DGKH: variants seen among roughly 807,000 people sequenced by gnomAD.
DGKH encodes diacylglycerol kinase eta.
In DGKH, 90 loss-of-function variants were observed where a neutral mutation model predicts 159.3. The ratio of observed to expected loss-of-function variants is 0.57; its 90% CI spans 0.48 to 0.67. The LOEUF (loss-of-function observed/expected upper bound fraction) is 0.67. Ranked by LOEUF, DGKH falls within the 30% of genes least tolerant of loss-of-function variation. DGKH has a pLI of 0.00. For missense variants in DGKH, 1,181 were observed against 1,506.1 expected (o/e 0.78, Z 3.57); for synonymous variants, 536 against 553.8 (o/e 0.97, Z 0.45).
chr13:42,068,319 G>A (rs1234745373), intron 1 of DGKH, among the ~76,000 whole-genome samples: 2 of 152,104 alleles, frequency 1.3e-5, no homozygotes, highest in African/African-American at 4.8e-5. Context: ...ATGAATACCA[G>A]AACATTTATA....
chr13:42,170,532 C>T (rs1403811203), intron 11 of DGKH, among the ~76,000 whole-genome samples: 2 of 152,096 alleles, frequency 1.3e-5, no homozygotes, highest in Non-Finnish European at 2.9e-5. Flanking sequence ...AAAATCAAAA[C>T]AAAACAAAAG....
chr13:42,123,114 A>C (rs1388415159), intron 1 of DGKH, among the ~76,000 whole-genome samples: 1 of 152,206 alleles, frequency 6.6e-6, no homozygotes, highest in Admixed American at 6.5e-5. Context: ...TCTTAGTTAC[A>C]TATTAGCTAC....
rs77246060 is a variant in DGKH, at chr13:42,131,098, T to C, written c.384+1466T>C. On this transcript the variant is annotated intron_variant, in intron 3 of 29. Coordinates refer to ENST00000337343, the MANE Select transcript of DGKH (RefSeq NM_178009.5). ...GTCCCATTGATGTGAGTAGTTTCAG[T>C]GTGGGGCAGGCTGGGGGCAGGCATT... 6.6e-3 allele frequency among the ~76,000 whole-genome samples: 1,007 copies of C among 152,062 alleles called. 11 individuals carry two copies. The highest frequency in any genetic ancestry group is 0.023 in the African/African-American group (962 of 41,462).
In DGKH at chr13:42,159,246, T is replaced by C. The variant is rs773661032; in HGVS notation, c.623-20T>C. On this transcript the variant is annotated intron_variant, in intron 5 of 29. Transcript: ENST00000337343. ...TTGTCCACTTAAAAGCAGTTGCTCT[T>C]TTTTTTTTTTTTTTTTTAGTGTGTA... The C allele has an allele frequency of 3.0e-6, 2 of 669,444 alleles. No homozygotes were observed. The highest frequency in any genetic ancestry group is 3.7e-5 in the Admixed American group (1 of 27,322). 41.5% of individuals were successfully genotyped at this position (669,444 alleles called of 1,614,324 possible).
chr13:42,245,057 G>A (rs1958570430), downstream of DGKH, among the ~76,000 whole-genome samples: 1 of 152,144 alleles, frequency 6.6e-6, no homozygotes, highest in Admixed American at 6.5e-5. Flanking sequence ...GGCAGGGATT[G>A]GGGGTAGAGG....
At chr13:42,100,482 C>T (rs912140159) in intron 1 of DGKH, among the ~76,000 whole-genome samples, 36 of 152,028 alleles carry the variant, frequency 2.4e-4, no homozygotes, top group African/African-American at 8.5e-4. Flanking sequence ...AACTGTCTTT[C>T]ACGAAACCGG....
intron 3 of DGKH, among the ~76,000 whole-genome samples, chr13:42,154,719 T>G (rs1955996468): frequency 6.6e-6 from 1 of 152,222 alleles, no homozygotes; most frequent in South Asian, 2.1e-4. Flanking sequence ...TATTTAAATA[T>G]TAACAGAATA....
chr13:42,225,186 A>AAG, intron 29 of DGKH: 5 of 1,196,158 alleles, frequency 4.2e-6, no homozygotes, highest in Non-Finnish European at 5.8e-6. Flanking sequence ...GCCTCCTACA[A>AAG]TGCTGGGATT....
intron 1 of DGKH, among the ~76,000 whole-genome samples, chr13:42,083,952 G>A (rs566943018): frequency 2.0e-5 from 3 of 152,116 alleles, no homozygotes; most frequent in Non-Finnish European, 2.9e-5. Flanking sequence ...ATTCCTGCCC[G>A]TCTCTACCTG....
intron 30 of DGKH, among the ~76,000 whole-genome samples, chr13:42,254,019 T>C (rs1226581893): frequency 6.6e-6 from 1 of 151,640 alleles, no homozygotes; most frequent in Non-Finnish European, 1.5e-5. Context: ...AGTATATTAA[T>C]TGCTTAAAGC....
upstream of DGKH, among the ~76,000 whole-genome samples, chr13:42,044,516 C>G (rs1880697105): frequency 6.6e-6 from 1 of 152,138 alleles, no homozygotes; most frequent in Non-Finnish European, 1.5e-5. Context: ...GTCTCGATCT[C>G]CTGACCTCGT....
At chr13:42,088,607 TA>T (rs1428983328) in intron 1 of DGKH, among the ~76,000 whole-genome samples, 1 of 151,510 alleles carries the variant, frequency 6.6e-6, no homozygotes, top group Non-Finnish European at 1.5e-5. Flanking sequence ...GAAACCACTT[TA>T]AAAAATAGAA....
At chr13:42,147,846 G>A (rs940823924) in intron 3 of DGKH, among the ~76,000 whole-genome samples, 3 of 151,966 alleles carry the variant, frequency 2.0e-5, no homozygotes, top group South Asian at 4.2e-4. Context: ...TTTTGTTCTC[G>A]GAAGGTGCCT....
chr13:42,225,939 A>G (rs1958119423), intron 29 of DGKH, among the ~76,000 whole-genome samples: 1 of 152,224 alleles, frequency 6.6e-6, no homozygotes, highest in African/African-American at 2.4e-5. Flanking sequence ...AAAAGCCAAA[A>G]TTGACAAATG....
chr13:42,255,496 T>G (rs1165791692), intron 30 of DGKH, among the ~76,000 whole-genome samples: 5 of 152,172 alleles, frequency 3.3e-5, no homozygotes, highest in Non-Finnish European at 7.3e-5. Flanking sequence ...ATAACAAGGT[T>G]TTTGGCTTGT....
intron 1 of DGKH, among the ~76,000 whole-genome samples, chr13:42,067,622 A>G (rs1435746243): frequency 6.6e-6 from 1 of 152,156 alleles, no homozygotes; most frequent in Non-Finnish European, 1.5e-5. Flanking sequence ...CTTAATCTTT[A>G]GTTTTAATTA....
At chr13:42,225,027 C>A (rs1310424548) in intron 29 of DGKH, among the ~76,000 whole-genome samples, 1 of 152,056 alleles carries the variant, frequency 6.6e-6, no homozygotes, top group Admixed American at 6.6e-5. Flanking sequence ...GCTCAGGTGA[C>A]CCTCCCGCCT....
intron 1 of DGKH, among the ~76,000 whole-genome samples, chr13:42,115,483 G>T (rs1954948472): frequency 6.6e-6 from 1 of 152,122 alleles, no homozygotes. Flanking sequence ...TAGAGCTGTG[G>T]GTATACCAAG....
At chr13:42,145,797 G>A (rs937510237) in intron 3 of DGKH, among the ~76,000 whole-genome samples, 6 of 152,174 alleles carry the variant, frequency 3.9e-5, no homozygotes, top group African/African-American at 1.4e-4. Context: ...ACACTATTTA[G>A]TATGAAATGT....
Sources: gnomAD v4.1 joint callset for allele counts (sites outside exome capture counted in the v4.1 genomes callset) on GRCh38, gnomAD v4.1.1 for gene constraint, MANE v1.5 for transcripts, NCBI Gene and HGNC (gene_info 2026-07-23, HGNC 2026-07-21) for gene names.